ABR: variants seen among roughly 807,000 people sequenced by gnomAD.
The protein encoded by ABR is ABR activator of RhoGEF and GTPase.
Under a neutral mutation model 107.2 loss-of-function variants are expected in ABR, and 35 were observed. The ratio of observed to expected loss-of-function variants is 0.33; its 90% confidence interval spans 0.25 to 0.43. The LOEUF is 0.43. ABR is among the 20% of genes least tolerant of loss of function. ABR has a pLI of 1.00. For synonymous variants in ABR, 498 were observed against 462.0 expected, an observed-to-expected ratio of 1.08 and a Z score of -1.00; for missense variants, 815 against 1,115.2, an observed-to-expected ratio of 0.73 and a Z score of 3.83.
chr17:1,030,025 A>AC (rs2072601453), intron 16 of ABR, among the ~76,000 whole-genome samples: 1 of 141,694 alleles, frequency 7.1e-6, no homozygotes, highest in Admixed American at 7.1e-5. Flanking sequence ...GGCCGGGGCC[A>AC]CCCTGAGCTG....
intron 1 of ABR, among the ~76,000 whole-genome samples, chr17:1,146,881 ACACCACTGC>A (rs1308586764): frequency 2.2e-5 from 3 of 139,156 alleles, no homozygotes; most frequent in Non-Finnish European, 3.1e-5. Flanking sequence ...TTGCTACATG[ACACCACTGC>A]CGCCACTGCC....
At chr17:1,074,855 G>C (rs1272021990) in intron 6 of ABR, among the ~76,000 whole-genome samples, 2 of 152,148 alleles carry the variant, frequency 1.3e-5, no homozygotes, top group African/African-American at 2.4e-5. Flanking sequence ...CTGAGGCAGG[G>C]AAATCACTTG....
At chr17:1,162,573 A>G (rs1451007091) in intron 1 of ABR, among the ~76,000 whole-genome samples, 1 of 152,062 alleles carries the variant, frequency 6.6e-6, no homozygotes. Context: ...CCCTGCCCTC[A>G]CCCTGCCCAC....
At chr17:1,097,899 C>T (rs1400322249) in intron 3 of ABR, among the ~76,000 whole-genome samples, 1 of 152,190 alleles carries the variant, frequency 6.6e-6, no homozygotes, top group Non-Finnish European at 1.5e-5. Flanking sequence ...CTTTCTTCCA[C>T]TAACAGTTGA....
intron 1 of ABR, among the ~76,000 whole-genome samples, chr17:1,153,388 T>TCCAGGCACACCTGCGGGAGGGCTGGGGAC (rs1567833189): frequency 2.8e-5 from 4 of 143,442 alleles, no homozygotes; most frequent in African/African-American, 1.0e-4. Context: ...GGGCTGGGGA[T>TCCAGGCACACCTGCGGGAGGGCTGGGGAC]CCAGGCACAC....
chr17:1,045,388 AGC>A, intron 16 of ABR, among the ~76,000 whole-genome samples: 1 of 125,752 alleles, frequency 8.0e-6, no homozygotes, highest in Admixed American at 8.7e-5. Flanking sequence ...GTCTTCTTAC[AGC>A]AGGACAATCT....
At chr17:1,006,200 C>CA (rs2070017597) in intron 22 of ABR, 31 bp from the exon 23 acceptor site, 1 of 1,529,904 alleles carries the variant, frequency 6.5e-7, no homozygotes, top group Non-Finnish European at 8.9e-7. Context: ...GGAGGCTGGG[C>CA]TCCCTGTCCT....
In ABR at chr17:1,009,686, A is replaced by G. The variant is rs148435019; in HGVS notation, c.2335T>C (p.Leu779=). The change falls in exon 21 of 23, where the codon TTG becomes CTG. Residue 779 remains leucine, a synonymous_variant. Transcript: ENST00000302538. ...GGGGCCGCTCCCCGTTACCTTTTCAAGTGTTCCAGCAGGAAGAGGAAGGTG... is the reference window on the plus strand; with the variant it reads ...GGGGCCGCTCCCCGTTACCTTTTCAGGTGTTCCAGCAGGAAGAGGAAGGTG... ...LITFLFLLEH[L]KRVAEKEPIN... is the part of the protein sequence containing the mutation. The G allele has an allele frequency of 3.7e-6, 6 of 1,612,724 alleles. No individual in the cohort carries two copies. In the African/African-American group the frequency reaches 6.7e-5, roughly 18 times the overall value.
At chr17:1,062,384 C>T (rs2034084893) in intron 10 of ABR, among the ~76,000 whole-genome samples, 1 of 146,152 alleles carries the variant, frequency 6.8e-6, no homozygotes, top group Admixed American at 6.9e-5. Flanking sequence ...GAACTGAGGG[C>T]TATGCATGTT....
Position 1,037,009 on chromosome 17 carries a change from TTCCATCCTTCCTTCCTTCCATCCA to T in ABR, c.1791+13017_1791+13040del, listed in dbSNP as rs2150955459. On this transcript the variant is annotated intron_variant, in intron 16 of 22. Transcript: ENST00000302538. This position sits in a 1 kb window ranked among gnomAD's most constrained non-coding sequence, Gnocchi z 4.6. The stretch of plus-strand genomic sequence containing the variant: ...TTTCCTTCCTTCCATCCTTCCTTCC[TTCCATCCTTCCTTCCTTCCATCCA>T]TCCACCCATCCATCCATCCATCCAC... Among the ~76,000 whole-genome samples the T allele has an allele frequency of 6.6e-6, 1 of 151,412 alleles. No individual in the cohort carries two copies. Among genetic ancestry groups the T allele is most frequent in the South Asian group, 2.1e-4 (1 of 4,802 alleles).
At chr17:1,108,805 G>A (rs983645373) in intron 2 of ABR, 5 of 625,752 alleles carry the variant, frequency 8.0e-6, no homozygotes, top group African/African-American at 3.6e-5. Context: ...CAGCTGCCGG[G>A]GCCGGGACCC....
chr17:1,053,517 C>T (rs1356025758), intron 14 of ABR, among the ~76,000 whole-genome samples: 1 of 152,110 alleles, frequency 6.6e-6, no homozygotes, highest in Non-Finnish European at 1.5e-5. Context: ...CAGATCACCT[C>T]CCTTCTCTCC....
chr17:1,012,613 G>A lies in ABR; in HGVS notation c.1961+75C>T, dbSNP rs2070712187. On this transcript the variant is annotated intron_variant, in intron 18 of 22. Coordinates refer to ENST00000302538, the MANE Select transcript of ABR (RefSeq NM_021962.5). ...AGGTGCCAGGATGGGCACCGGCGGGGAGGGCTGGGGGGCCCGGGCTGGGGG... is the reference window on the plus strand; with the variant it reads ...AGGTGCCAGGATGGGCACCGGCGGGAAGGGCTGGGGGGCCCGGGCTGGGGG... 11 of 1,113,162 alleles carry A rather than the reference G, an allele frequency of 9.9e-6. No individual in the cohort carries two copies. The East Asian group carries it at 2.3e-4, about 23-fold the overall frequency. 69.0% of individuals were successfully genotyped at this position (1,113,162 alleles called of 1,614,324 possible). A position where few individuals can be genotyped will look rare whatever the true frequency, so the allele number is the denominator to read the frequency against.
At chr17:1,103,005 G>A (rs905631684) in intron 2 of ABR, among the ~76,000 whole-genome samples, 4 of 152,084 alleles carry the variant, frequency 2.6e-5, no homozygotes, top group Non-Finnish European at 4.4e-5. Context: ...CCATGGAGCC[G>A]GGCCGAGATC....
chr17:1,088,443 C>T (rs1372680971), intron 4 of ABR, among the ~76,000 whole-genome samples: 1 of 141,986 alleles, frequency 7.0e-6, no homozygotes, highest in African/African-American at 2.7e-5. Flanking sequence ...CAGGGTGCCT[C>T]TTCCCAATTT....
At position 1,027,691 on chromosome 17, in the gene ABR, A is replaced by G. The variant is rs1421024545; in HGVS notation, c.1792-14527T>C. Among the ~76,000 whole-genome samples the G allele has an allele frequency of 4.6e-5, 7 of 151,052 alleles. No homozygotes were observed. Among genetic ancestry groups the G allele is most frequent in the African/African-American group, 1.2e-4 (5 of 40,990 alleles). On this transcript the variant is annotated intron_variant, in intron 16 of 22. Coordinates refer to ENST00000302538, the MANE Select transcript of ABR (RefSeq NM_021962.5). This position sits in a 1 kb window ranked among gnomAD's most constrained non-coding sequence, Gnocchi z 4.7. ...GAGGTGGGCTGGTGTAGGGGCCTCC[A>G]GCTCTCGGGGGAGGCAGCACTGTAG...
chr17:1,096,118 C>CT (rs1386912646), intron 3 of ABR, among the ~76,000 whole-genome samples: 1 of 152,206 alleles, frequency 6.6e-6, no homozygotes, highest in East Asian at 1.9e-4. Context: ...TCACCCCCTA[C>CT]TTCGGCCCAG....
intron 1 of ABR, among the ~76,000 whole-genome samples, chr17:1,203,385 A>C (rs1291880412): frequency 2.3e-4 from 3 of 13,116 alleles, no homozygotes; most frequent in Non-Finnish European, 4.4e-4. Flanking sequence ...CGGGGCCTTG[A>C]GGGGGCGGGG....
Position 1,179,763 on chromosome 17 carries a change from C to T in ABR, c.-36G>A. The T allele has an allele frequency of 7.0e-6, 10 of 1,437,918 alleles. No individual in the cohort carries two copies. Among genetic ancestry groups the T allele is most frequent in the South Asian group, 1.4e-5 (1 of 71,408 alleles). 89.1% of individuals were successfully genotyped at this position (1,437,918 alleles called of 1,614,324 possible). On this transcript the variant is annotated 5_prime_UTR_variant, in exon 1 of 23. Transcript: ENST00000302538. This position sits in a 1 kb window ranked among gnomAD's most constrained non-coding sequence, Gnocchi z 4.9. ...CGGCTCGGTCAGATCCGAAACCCGACCCTCATCGCGCAACAAAGGAGGGAG... is the reference window on the plus strand; with the variant it reads ...CGGCTCGGTCAGATCCGAAACCCGATCCTCATCGCGCAACAAAGGAGGGAG...
Sources: allele counts gnomAD v4.1 joint callset (sites outside exome capture counted in the v4.1 genomes callset), GRCh38; gene constraint gnomAD v4.1.1; non-coding constraint Gnocchi (gnomAD v3.1); transcripts MANE v1.5; gene names NCBI Gene and HGNC (gene_info 2026-07-23, HGNC 2026-07-21).